The following DACH2 variants were observed in gnomAD, a reference collection of about 807,000 sequenced individuals.
The protein encoded by DACH2 is dachshund homolog 2.
Under a neutral mutation model 35.8 loss-of-function variants are expected in DACH2, and 17 were observed. The observed-to-expected ratio is 0.48, with a 90% CI of 0.33 to 0.71. DACH2 has a LOEUF of 0.71. Among genes scored for constraint, DACH2 ranks in the 30% least tolerant of loss-of-function variants. DACH2 has a pLI of 0.02. For synonymous variants in DACH2, 195 were observed against 177.3 expected (o/e 1.10, Z -0.79); for missense variants, 469 against 472.7 (o/e 0.99, Z 0.07).
intron 4 of DACH2, among the ~76,000 whole-genome samples, chrX:86,679,616 CTGTGTG>C (rs67988965): frequency 0.32 from 30,840 of 95,822 alleles, 4,264 homozygotes; most frequent in Non-Finnish European, 0.37. Flanking sequence ...CTCTCTGTCT[CTGTGTG>C]TGTGTGTGTG....
At chrX:86,826,893 C>T (rs1182861154) in intron 11 of DACH2, among the ~76,000 whole-genome samples, 2 of 112,104 alleles carry the variant, frequency 1.8e-5, no homozygotes, top group East Asian at 5.6e-4. Flanking sequence ...ATTTGTAAAT[C>T]AGAAGCACAG....
Position 86,556,783 on chromosome X carries a change from TATATATATATATAGAG to T in DACH2, c.640+42394_640+42409del, listed in dbSNP as rs1398279020. On this transcript the variant is annotated intron_variant, in intron 3 of 11. Coordinates refer to ENST00000373125, the MANE Select transcript of DACH2 (RefSeq NM_053281.3). ...ATATATATATATATATATATATATA[TATATATATATATAGAG>T]AGAGAGAGAGAGAGAGAGAGAGAGA... Among the ~76,000 whole-genome samples the T allele has an allele frequency of 6.3e-3, 360 of 56,888 alleles. 2 individuals are homozygous for T. The highest frequency in any genetic ancestry group is 0.023 in the African/African-American group (310 of 13,728). 49.4% of individuals were successfully genotyped at this position (56,888 alleles called of 115,157 possible). A position where few individuals can be genotyped will look rare whatever the true frequency, so the allele number is the denominator to read the frequency against.
intron 1 of DACH2, among the ~76,000 whole-genome samples, chrX:86,342,519 A>G (rs1401462476): frequency 9.1e-6 from 1 of 109,511 alleles, no homozygotes; most frequent in Admixed American, 9.8e-5. Context: ...AAATAAAACT[A>G]AATTGGGCCA....
chrX:86,195,696 G>A (rs1284412455), intron 1 of DACH2, among the ~76,000 whole-genome samples: 3 of 111,555 alleles, frequency 2.7e-5, no homozygotes, highest in African/African-American at 9.8e-5. Context: ...GGAGTGCAGT[G>A]AGCAGTGGTC....
At chrX:86,155,533 T>C (rs750182367) in intron 1 of DACH2, among the ~76,000 whole-genome samples, 30 of 110,772 alleles carry the variant, frequency 2.7e-4, no homozygotes, top group Non-Finnish European at 4.7e-4. Flanking sequence ...CCGTACTTCA[T>C]TTCATTTAAC....
At chrX:86,555,093 C>T (rs1261067699) in intron 3 of DACH2, among the ~76,000 whole-genome samples, 2 of 110,740 alleles carry the variant, frequency 1.8e-5, no homozygotes, top group African/African-American at 3.3e-5. Context: ...CTGTTTATAC[C>T]CAGATGGTTT....
intron 3 of DACH2, among the ~76,000 whole-genome samples, chrX:86,568,227 A>G (rs1166147235): frequency 9.0e-6 from 1 of 111,331 alleles, no homozygotes; most frequent in Non-Finnish European, 1.9e-5. Flanking sequence ...ATGTCATTAT[A>G]CACTGCGAAA....
At chrX:86,239,112 T>C (rs2033114337) in intron 1 of DACH2, among the ~76,000 whole-genome samples, 1 of 112,120 alleles carries the variant, frequency 8.9e-6, no homozygotes, top group African/African-American at 3.2e-5. Flanking sequence ...TTATAGCTTA[T>C]ATTAGTTGAT....
intron 3 of DACH2, among the ~76,000 whole-genome samples, chrX:86,624,613 AAC>A (rs894103586): frequency 3.6e-5 from 4 of 111,999 alleles, no homozygotes; most frequent in Non-Finnish European, 7.5e-5. Context: ...TCTTTCAGGA[AAC>A]ACAGTCTTCC....
intron 7 of DACH2, among the ~76,000 whole-genome samples, chrX:86,753,919 A>T (rs150703164): frequency 9.9e-6 from 1 of 100,815 alleles, no homozygotes; most frequent in East Asian, 3.0e-4. Flanking sequence ...CTTAAACTGA[A>T]CCAAATATGA....
chrX:86,812,205 C>T (rs935442123), intron 7 of DACH2, among the ~76,000 whole-genome samples: 14 of 111,631 alleles, frequency 1.3e-4, no homozygotes, highest in African/African-American at 4.2e-4. Flanking sequence ...CACAAAAAAA[C>T]CATGTATCGT....
intron 2 of DACH2, among the ~76,000 whole-genome samples, chrX:86,421,234 G>A (rs1275196149): frequency 8.9e-6 from 1 of 111,772 alleles, no homozygotes; most frequent in African/African-American, 3.2e-5. Context: ...TATGCATCCA[G>A]CAAGTATTTT....
rs376352400 is a variant in DACH2, at chrX:86,295,731, A to G, written c.489-81093A>G. Among the ~76,000 whole-genome samples, 10 of 111,235 alleles carry G rather than the reference A, an allele frequency of 9.0e-5. No individual in the cohort carries two copies. In the South Asian group the frequency reaches 1.9e-3, roughly 21 times the overall value. ...CTGAGTTTGATGCCTCACAATTGCT[A>G]TGATTTCTGTCTCCTCAGACACAGA... On this transcript the variant is annotated intron_variant, in intron 1 of 11. Transcript: ENST00000373125.
At chrX:86,552,099 A>T (rs187167434) in intron 3 of DACH2, among the ~76,000 whole-genome samples, 3 of 111,830 alleles carry the variant, frequency 2.7e-5, no homozygotes, top group African/African-American at 9.7e-5. Flanking sequence ...GAGTAAATTG[A>T]TCTATGAGTG....
intron 4 of DACH2, among the ~76,000 whole-genome samples, chrX:86,672,064 A>G (rs927440173): frequency 8.9e-6 from 1 of 112,027 alleles, no homozygotes; most frequent in Non-Finnish European, 1.9e-5. Flanking sequence ...TGCTCTAGGT[A>G]TCTGTGGAAC....
At chrX:86,790,505 C>T (rs1056059135) in intron 7 of DACH2, among the ~76,000 whole-genome samples, 3 of 111,898 alleles carry the variant, frequency 2.7e-5, no homozygotes, top group African/African-American at 9.7e-5. Context: ...GGGGCAGTAA[C>T]CACCACCTGC....
At position 86,191,711 on chromosome X, in the gene DACH2, C is replaced by T. The variant is rs144891725; in HGVS notation, c.488+42603C>T. ...AGCCTAGCACTTTGGGAGGCTGAGA[C>T]GGGCGGATCACTTGAGGTCAGGAGT... On this transcript the variant is annotated intron_variant, in intron 1 of 11. Transcript: ENST00000373125. Among the ~76,000 whole-genome samples the T allele has an allele frequency of 6.4e-3, 713 of 111,108 alleles. 5 individuals are homozygous for T. The highest frequency in any genetic ancestry group is 0.021 in the African/African-American group (649 of 30,551).
At position 86,148,576 on chromosome X, in the gene DACH2, C is replaced by T; in HGVS notation, c.-45C>T. The stretch of plus-strand genomic sequence containing the variant: ...GCGAGGGGATCTAGAGGAGTCAGGG[C>T]GAGAAAGCGAGGGCCGGAGGACCCA... On this transcript the variant is annotated 5_prime_UTR_variant, in exon 1 of 12. Coordinates refer to ENST00000373125, the MANE Select transcript of DACH2 (RefSeq NM_053281.3). 6.2e-6 allele frequency: 7 copies of T among 1,121,445 alleles called. No homozygotes were observed. The highest frequency in any genetic ancestry group is 8.2e-6 in the Non-Finnish European group (7 of 850,874). 92.4% of individuals were successfully genotyped at this position (1,121,445 alleles called of 1,213,427 possible).
At chrX:86,571,064 C>T (rs1434295684) in intron 3 of DACH2, among the ~76,000 whole-genome samples, 1 of 110,960 alleles carries the variant, frequency 9.0e-6, no homozygotes, top group Non-Finnish European at 1.9e-5. Context: ...GAAGTTTTAT[C>T]ATTTTTGCTT....
Sources: gnomAD v4.1 joint callset for allele counts (sites outside exome capture counted in the v4.1 genomes callset) on GRCh38, gnomAD v4.1.1 for gene constraint, MANE v1.5 for transcripts, NCBI Gene and HGNC (gene_info 2026-07-23, HGNC 2026-07-21) for gene names.